TRIQK: variants seen among roughly 807,000 people sequenced by gnomAD.
TRIQK encodes triple QxxK/R motif-containing protein.
A neutral mutation model predicts 10.8 loss-of-function variants in TRIQK; 10 were observed. That is an observed-to-expected ratio of 0.92 (90% CI 0.57 to 1.57). The LOEUF (loss-of-function observed/expected upper bound fraction) is 1.57. Among genes scored for constraint, TRIQK ranks in the 40% most tolerant of loss-of-function variants. TRIQK has a pLI of 0.00. For synonymous variants in TRIQK, 33 were observed against 33.7 expected (o/e 0.98, Z 0.07); for missense variants, 107 against 97.7 (o/e 1.09, Z -0.40).
intron 1 of TRIQK, among the ~76,000 whole-genome samples, chr8:92,958,632 T>G (rs940242846): frequency 1.3e-5 from 2 of 151,966 alleles, no homozygotes; most frequent in Non-Finnish European, 2.9e-5. Context: ...GAGGTTAACC[T>G]TAACCCATAT....
intron 3 of TRIQK, among the ~76,000 whole-genome samples, chr8:92,909,318 C>T (rs1300438641): frequency 6.6e-6 from 1 of 151,852 alleles, no homozygotes; most frequent in Admixed American, 6.6e-5. Context: ...ATCAGCATAA[C>T]GTACCTTTAC....
intron 1 of TRIQK, among the ~76,000 whole-genome samples, chr8:93,000,373 G>T (rs1056305017): frequency 6.6e-6 from 1 of 152,194 alleles, no homozygotes; most frequent in African/African-American, 2.4e-5. Flanking sequence ...GGTGAAGAAA[G>T]ATCAAAGGCA....
chr8:92,923,027 T>A (rs1563635676), intron 2 of TRIQK, among the ~76,000 whole-genome samples: 1 of 151,780 alleles, frequency 6.6e-6, no homozygotes, highest in Non-Finnish European at 1.5e-5. Context: ...TTTTATTAGC[T>A]GCAAGAAACA....
rs185338199 is a variant in TRIQK, at chr8:92,979,004, T to C, written c.-180-24440A>G. Among the ~76,000 whole-genome samples the C allele has an allele frequency of 1.4e-4, 21 of 152,224 alleles. No homozygotes were observed. The East Asian group carries it at 4.1e-3, about 29-fold the overall frequency. On this transcript the variant is annotated intron_variant, in intron 1 of 4. Coordinates refer to the TRIQK transcript ENST00000520686. ...ATCAGTGGTATAAAACAACAATGAT[T>C]TTCTCATGTCAAAAATCTGTGGGTC...
chr8:92,940,655 A>T (rs1186490088), intron 2 of TRIQK, among the ~76,000 whole-genome samples: 1 of 152,194 alleles, frequency 6.6e-6, no homozygotes, highest in Non-Finnish European at 1.5e-5. Flanking sequence ...TAAAGAGAGA[A>T]ATTGACTCCA....
chr8:92,942,311 C>A (rs1294533849), intron 2 of TRIQK, among the ~76,000 whole-genome samples: 1 of 152,094 alleles, frequency 6.6e-6, no homozygotes, highest in Non-Finnish European at 1.5e-5. Context: ...ATCTTTTCAG[C>A]AGATGCAGAA....
intron 2 of TRIQK, among the ~76,000 whole-genome samples, chr8:92,926,099 G>C (rs1810435934): frequency 6.6e-6 from 1 of 151,186 alleles, no homozygotes; most frequent in Non-Finnish European, 1.5e-5. Context: ...ATTGGAAGCA[G>C]CCCCAATATT....
chr8:92,900,742 T>C (rs1285888045), intron 3 of TRIQK, among the ~76,000 whole-genome samples: 1 of 152,092 alleles, frequency 6.6e-6, no homozygotes, highest in African/African-American at 2.4e-5. Context: ...TGGTTTAATA[T>C]AAATGTTAGG....
At chr8:92,925,122 C>T (rs1810380110) in intron 2 of TRIQK, among the ~76,000 whole-genome samples, 1 of 152,084 alleles carries the variant, frequency 6.6e-6, no homozygotes, top group Non-Finnish European at 1.5e-5. Flanking sequence ...GACTCACCTT[C>T]CAGCCAAACT....
At chr8:92,912,640 T>G (rs185381275) in intron 3 of TRIQK, among the ~76,000 whole-genome samples, 95 of 151,700 alleles carry the variant, frequency 6.3e-4, no homozygotes, top group Middle Eastern at 3.4e-3. Context: ...ACACACGAAA[T>G]AGCAGACATT....
intron 1 of TRIQK, among the ~76,000 whole-genome samples, chr8:92,992,986 C>T (rs1214894610): frequency 1.3e-5 from 2 of 152,188 alleles, no homozygotes; most frequent in African/African-American, 4.8e-5. Context: ...TCAATTTCCA[C>T]TCTTCTTTCA....
chr8:92,918,175 C>T (rs1809968448), intron 2 of TRIQK, among the ~76,000 whole-genome samples: 1 of 152,010 alleles, frequency 6.6e-6, no homozygotes. Flanking sequence ...AATAATGCTG[C>T]AATAAACATG....
intron 2 of TRIQK, among the ~76,000 whole-genome samples, chr8:92,931,026 C>T (rs1037097813): frequency 2.6e-5 from 4 of 151,940 alleles, no homozygotes; most frequent in Admixed American, 6.6e-5. Context: ...CTTTTCTTGG[C>T]TCTAATGGAA....
intron 1 of TRIQK, among the ~76,000 whole-genome samples, chr8:92,961,332 C>T (rs748536488): frequency 3.2e-4 from 48 of 151,842 alleles, no homozygotes; most frequent in Non-Finnish European, 2.6e-4. Context: ...AAAGCAGAAT[C>T]GGAAACTGGG....
chr8:92,933,109 C>T (rs1810817253), intron 2 of TRIQK, among the ~76,000 whole-genome samples: 1 of 152,036 alleles, frequency 6.6e-6, no homozygotes, highest in East Asian at 1.9e-4. Context: ...GGAGAGAGAG[C>T]TAGGAAATAT....
chr8:92,945,643 T>C (rs972622543), intron 2 of TRIQK, among the ~76,000 whole-genome samples: 2 of 152,212 alleles, frequency 1.3e-5, no homozygotes, highest in South Asian at 2.1e-4. Context: ...CTTACATTTG[T>C]TTTTTCCTCC....
chr8:92,895,910 G>A (rs1397770411), intron 3 of TRIQK, among the ~76,000 whole-genome samples: 1 of 151,982 alleles, frequency 6.6e-6, no homozygotes, highest in Non-Finnish European at 1.5e-5. Context: ...TCTCAGCCTG[G>A]CCATGTAAAG....
intron 3 of TRIQK, among the ~76,000 whole-genome samples, chr8:92,905,065 A>G (rs1379558822): frequency 6.6e-6 from 1 of 152,216 alleles, no homozygotes; most frequent in Admixed American, 6.5e-5. Flanking sequence ...TCTACTAGGT[A>G]TATGTTGCAG....
At chr8:92,925,722 T>C (rs1159910182) in intron 2 of TRIQK, among the ~76,000 whole-genome samples, 3 of 152,108 alleles carry the variant, frequency 2.0e-5, no homozygotes, top group Non-Finnish European at 4.4e-5. Context: ...AAATAAAAAA[T>C]ATTTCATATA....
Sources: gnomAD v4.1 joint callset for allele counts (sites outside exome capture counted in the v4.1 genomes callset) on GRCh38, gnomAD v4.1.1 for gene constraint, MANE v1.5 for transcripts, NCBI Gene and HGNC (gene_info 2026-07-23, HGNC 2026-07-21) for gene names.